KIAA1549: variants seen among roughly 807,000 people sequenced by gnomAD.
KIAA1549 encodes the protein KIAA1549, also known as UPF0606 protein KIAA1549.
KIAA1549 carries 70 observed loss-of-function variants against 156.4 expected under a neutral mutation model. The observed-to-expected ratio is 0.45, with a 90% CI of 0.37 to 0.55. KIAA1549 has a LOEUF of 0.55. Ranked by LOEUF, KIAA1549 falls within the 20% of genes least tolerant of loss-of-function variation. KIAA1549 has a pLI of 0.00. For synonymous variants in KIAA1549, 1,103 were observed against 1,066.4 expected (o/e 1.03, Z -0.67); for missense variants, 2,428 against 2,540.9 (o/e 0.96, Z 0.96).
In KIAA1549 at chr7:138,965,803, A is replaced by G. The variant is rs185900299; in HGVS notation, c.187+15280T>C. ...TGGGGTGATTTTTGCTTTTTAATTT[A>G]TACCTTCTTTGTACCACCTGACTTT... On this transcript the variant is annotated intron_variant, in intron 1 of 19. Transcript: ENST00000422774. Among the ~76,000 whole-genome samples the G allele has an allele frequency of 2.8e-4, 42 of 152,340 alleles. No homozygotes were observed. The East Asian group carries it at 6.2e-3, about 22-fold the overall frequency.
At chr7:138,940,898 G>A (rs1386945898) in intron 1 of KIAA1549, among the ~76,000 whole-genome samples, 2 of 152,010 alleles carry the variant, frequency 1.3e-5, no homozygotes, top group African/African-American at 2.4e-5. Context: ...TGAGTTCTTT[G>A]TAGATTCTGG....
intron 16 of KIAA1549, among the ~76,000 whole-genome samples, chr7:138,855,939 C>A (rs570376222): frequency 4.6e-5 from 7 of 152,260 alleles, no homozygotes; most frequent in African/African-American, 1.7e-4. Context: ...TACCAGCCAA[C>A]TACAACCTGA....
At chr7:138,919,613 A>G (rs1383657607) in intron 1 of KIAA1549, 175 bp from the exon 2 acceptor site, 1 of 1,106,472 alleles carries the variant, frequency 9.0e-7, no homozygotes, top group Non-Finnish European at 1.3e-6. Flanking sequence ...CAGAATTACC[A>G]TCAGGACAAT....
At chr7:138,844,545 C>T (rs879234011) in intron 17 of KIAA1549, 71 bp from the exon 18 acceptor site, 10 of 1,357,338 alleles carry the variant, frequency 7.4e-6, no homozygotes, top group Non-Finnish European at 9.8e-6. Flanking sequence ...GAGGTCCACC[C>T]CCAACCTTAC....
chr7:138,965,226 A>T (rs1813983565), intron 1 of KIAA1549, among the ~76,000 whole-genome samples: 1 of 152,152 alleles, frequency 6.6e-6, no homozygotes, highest in Non-Finnish European at 1.5e-5. Context: ...ATCTGAGATG[A>T]GAAAGTTCTA....
intron 15 of KIAA1549, among the ~76,000 whole-genome samples, chr7:138,864,082 C>T (rs1475669866): frequency 6.6e-6 from 1 of 152,168 alleles, no homozygotes; most frequent in Admixed American, 6.5e-5. Flanking sequence ...TCTGGAAGAA[C>T]AGCCCACTGG....
intron 1 of KIAA1549, among the ~76,000 whole-genome samples, chr7:138,935,695 G>C (rs530134667): frequency 6.6e-6 from 1 of 152,250 alleles, no homozygotes; most frequent in East Asian, 1.9e-4. Flanking sequence ...CCACACCGAC[G>C]TCCAAGCTGC....
intron 9 of KIAA1549, 98 bp from the exon 10 acceptor site, chr7:138,894,624 C>A: frequency 8.5e-7 from 1 of 1,177,338 alleles, no homozygotes. Context: ...CCCTGACATT[C>A]CAGCTCAAGA....
chr7:138,966,665 T>C (rs751986964), intron 1 of KIAA1549, among the ~76,000 whole-genome samples: 6 of 151,946 alleles, frequency 3.9e-5, no homozygotes, highest in Non-Finnish European at 8.8e-5. Context: ...CTCACCCAGA[T>C]TAAGGGTGGG....
intron 16 of KIAA1549, among the ~76,000 whole-genome samples, chr7:138,859,988 C>T (rs1186019827): frequency 6.6e-6 from 1 of 152,234 alleles, no homozygotes; most frequent in Non-Finnish European, 1.5e-5. Flanking sequence ...ACTCTGCCTC[C>T]AGCACCTAAG....
intron 2 of KIAA1549, among the ~76,000 whole-genome samples, chr7:138,914,769 T>C (rs1361447441): frequency 6.6e-6 from 1 of 152,186 alleles, no homozygotes; most frequent in Non-Finnish European, 1.5e-5. Context: ...TGTTCAAGTG[T>C]ACTTAACAAT....
chr7:138,943,642 G>A (rs551215262), intron 1 of KIAA1549, among the ~76,000 whole-genome samples: 30 of 152,272 alleles, frequency 2.0e-4, no homozygotes, highest in Admixed American at 6.5e-4. Flanking sequence ...AAGGTCAGGA[G>A]ATCGAGACCA....
At chr7:138,908,158 C>G (rs1325285314) in intron 5 of KIAA1549, among the ~76,000 whole-genome samples, 1 of 152,136 alleles carries the variant, frequency 6.6e-6, no homozygotes, top group Non-Finnish European at 1.5e-5. Flanking sequence ...AACAAACCAA[C>G]AGTCTCCAGA....
At chr7:138,924,935 C>T (rs1046047466) in intron 1 of KIAA1549, among the ~76,000 whole-genome samples, 7 of 152,156 alleles carry the variant, frequency 4.6e-5, no homozygotes, top group South Asian at 2.1e-4. Flanking sequence ...CTGTGACACC[C>T]GCCTGAATGA....
At chr7:138,874,360 A>G (rs990305544) in intron 12 of KIAA1549, among the ~76,000 whole-genome samples, 1 of 152,194 alleles carries the variant, frequency 6.6e-6, no homozygotes, top group Non-Finnish European at 1.5e-5. Flanking sequence ...TATATTGTAT[A>G]CTTGAAAACA....
chr7:138,887,064 G>A (rs971501592), intron 10 of KIAA1549, among the ~76,000 whole-genome samples: 1 of 151,886 alleles, frequency 6.6e-6, no homozygotes, highest in Non-Finnish European at 1.5e-5. Context: ...ACCACGTCTG[G>A]CTAACTTTTA....
At chr7:138,930,433 G>C (rs1254746290) in intron 1 of KIAA1549, among the ~76,000 whole-genome samples, 2 of 152,212 alleles carry the variant, frequency 1.3e-5, no homozygotes, top group Non-Finnish European at 2.9e-5. Flanking sequence ...GAAAGTCCTA[G>C]ATGACATCTT....
chr7:138,897,976 T>C (rs1402588752), intron 9 of KIAA1549, among the ~76,000 whole-genome samples: 1 of 147,976 alleles, frequency 6.8e-6, no homozygotes, highest in African/African-American at 2.5e-5. Context: ...CACTCTTCCA[T>C]GTGCCTCCTT....
intron 9 of KIAA1549, among the ~76,000 whole-genome samples, chr7:138,898,571 C>T (rs945292497): frequency 3.9e-5 from 6 of 152,200 alleles, no homozygotes; most frequent in African/African-American, 1.4e-4. Context: ...GCATGACTCA[C>T]TGTCCCCGCC....
Sources: allele counts gnomAD v4.1 joint callset (sites outside exome capture counted in the v4.1 genomes callset), GRCh38; gene constraint gnomAD v4.1.1; transcripts MANE v1.5; gene names NCBI Gene and HGNC (gene_info 2026-07-23, HGNC 2026-07-21).